Variants in VAMP4 observed in about 807,000 individuals in gnomAD.
The protein encoded by VAMP4 is vesicle-associated membrane protein 4.
VAMP4 carries 19 observed loss-of-function variants against 23.5 expected under a neutral mutation model. The observed-to-expected ratio is 0.81, with a 90% confidence interval of 0.56 to 1.19. The LOEUF (loss-of-function observed/expected upper bound fraction) is 1.19. Ranked by LOEUF, VAMP4 falls within the 50% of genes most tolerant of loss-of-function variation. The pLI is 0.00. For missense variants in VAMP4, 145 were observed against 168.6 expected (o/e 0.86, Z 0.78); for synonymous variants, 31 against 51.0 (o/e 0.61, Z 1.67).
intron 2 of VAMP4, among the ~76,000 whole-genome samples, chr1:171,730,459 T>C (rs1201702775): frequency 1.3e-5 from 2 of 152,050 alleles, no homozygotes; most frequent in East Asian, 1.9e-4. Context: ...TTAAAAAGAA[T>C]CTAAAACTTT....
chr1:171,721,430 A>G (rs1179128223), intron 3 of VAMP4, among the ~76,000 whole-genome samples: 7 of 152,196 alleles, frequency 4.6e-5, no homozygotes, highest in African/African-American at 1.4e-4. Context: ...AAACACTACT[A>G]AAACTAAGTG....
intron 2 of VAMP4, 125 bp downstream of exon 2, chr1:171,738,224 G>A (rs1248904663): frequency 1.1e-5 from 11 of 985,948 alleles, no homozygotes; most frequent in African/African-American, 3.3e-5. Flanking sequence ...CTGCTTCAGC[G>A]TCCCAAGTGC....
chr1:171,705,762 A>G (rs1654628101), intron 7 of VAMP4, among the ~76,000 whole-genome samples: 1 of 152,074 alleles, frequency 6.6e-6, no homozygotes, highest in South Asian at 2.1e-4. Context: ...GCGTCATAAA[A>G]CCTCTCTGTA....
chr1:171,724,068 C>T (rs1655283578), intron 3 of VAMP4, among the ~76,000 whole-genome samples: 1 of 151,984 alleles, frequency 6.6e-6, no homozygotes. Context: ...GACTTGGAAC[C>T]AACCCAAATG....
chr1:171,734,141 G>A (rs1299032814), intron 2 of VAMP4, among the ~76,000 whole-genome samples: 9 of 151,740 alleles, frequency 5.9e-5, no homozygotes, highest in African/African-American at 1.7e-4. Flanking sequence ...GGTGGTGTAC[G>A]CCTGTAATCC....
intron 3 of VAMP4, among the ~76,000 whole-genome samples, chr1:171,726,155 G>A (rs942043722): frequency 2.6e-5 from 4 of 152,004 alleles, no homozygotes; most frequent in South Asian, 4.1e-4. Flanking sequence ...GGGTTCAAGC[G>A]ATTCTCCTGC....
intron 2 of VAMP4, among the ~76,000 whole-genome samples, chr1:171,729,597 C>T (rs1379049621): frequency 6.6e-6 from 1 of 152,166 alleles, no homozygotes; most frequent in Non-Finnish European, 1.5e-5. Context: ...CAAACTGTAC[C>T]ACTTGCTATA....
chr1:171,721,345 C>T (rs1655188250), intron 3 of VAMP4, among the ~76,000 whole-genome samples: 2 of 151,854 alleles, frequency 1.3e-5, no homozygotes, highest in Non-Finnish European at 2.9e-5. Context: ...CAAACATAGA[C>T]GAGGAGGAAA....
Position 171,704,385 on chromosome 1 carries a change from G to T in VAMP4, c.*121C>A. The T allele has an allele frequency of 1.5e-6, 1 of 645,278 alleles. No individual in the cohort carries two copies. Among genetic ancestry groups the T allele is most frequent in the Non-Finnish European group, 2.3e-6 (1 of 426,978 alleles). The allele number at this position is 645,278 out of a possible 1,614,324, so 40.0% of individuals were successfully genotyped here. A position where few individuals can be genotyped will look rare whatever the true frequency, so the allele number is the denominator to read the frequency against. ...AACGTTCCAATTTGAAGTGATACTT[G>T]CCTCTTAGTTTCTTGAAAAAGAAGT... is the stretch of plus-strand genomic sequence containing the variant. On this transcript the variant is annotated 3_prime_UTR_variant, in exon 8 of 8. Transcript: ENST00000236192.
At chr1:171,706,583 G>T (rs1158495252) in intron 6 of VAMP4, among the ~76,000 whole-genome samples, 165 bp from the exon 7 acceptor site, 1 of 152,076 alleles carries the variant, frequency 6.6e-6, no homozygotes, top group Non-Finnish European at 1.5e-5. Context: ...CTTATTACAT[G>T]AGGCTATTCA....
chr1:171,729,669 G>C (rs1655496361), intron 2 of VAMP4, among the ~76,000 whole-genome samples: 1 of 152,086 alleles, frequency 6.6e-6, no homozygotes. Flanking sequence ...TTTTTTGTTT[G>C]TTTGGTTTGA....
rs894848669 is a variant in VAMP4, at chr1:171,704,542, A to G, written c.398-8T>C. On this transcript the variant is annotated splice_region_variant and splice_polypyrimidine_tract_variant and intron_variant, in intron 7 of 7. Transcript: ENST00000236192. ...ATTTCATGACTATAAGAACTGTAAG[A>G]GAAAACATGAAAAAAGCAATATATC... 5 of 1,576,990 alleles carry G rather than the reference A, an allele frequency of 3.2e-6. No homozygotes were observed.
intron 4 of VAMP4, among the ~76,000 whole-genome samples, chr1:171,714,228 G>C (rs1046551568): frequency 6.6e-6 from 1 of 152,066 alleles, no homozygotes; most frequent in Admixed American, 6.6e-5. Context: ...GAGATAGTTT[G>C]GTTTACAAAG....
chr1:171,718,196 C>T (rs6700606), intron 4 of VAMP4, among the ~76,000 whole-genome samples: 53,220 of 152,014 alleles, frequency 0.35, 9,750 homozygotes, highest in African/African-American at 0.47. Context: ...ATCTCAAAAT[C>T]CATTAGTTAG....
At chr1:171,728,276 A>G (rs1356458258) in intron 3 of VAMP4, among the ~76,000 whole-genome samples, 2 of 152,128 alleles carry the variant, frequency 1.3e-5, no homozygotes, top group East Asian at 3.9e-4. Context: ...TCTTGGCTTC[A>G]TGATCCAAGG....
chr1:171,728,414 C>A, intron 3 of VAMP4, 110 bp downstream of exon 3: 1 of 856,656 alleles, frequency 1.2e-6, no homozygotes, highest in Non-Finnish European at 1.7e-6. Context: ...GCATCTCTCA[C>A]GTATAAGGGA....
chr1:171,735,136 G>A (rs532469180), intron 2 of VAMP4, among the ~76,000 whole-genome samples: 2 of 152,198 alleles, frequency 1.3e-5, no homozygotes, highest in East Asian at 3.9e-4. Context: ...TTTTTAAAAA[G>A]CAATCATATT....
chr1:171,708,482 C>T (rs1003580068), intron 6 of VAMP4, among the ~76,000 whole-genome samples: 5 of 151,346 alleles, frequency 3.3e-5, no homozygotes, highest in African/African-American at 7.3e-5. Context: ...GAAAGTAGGA[C>T]GATTCAATAG....
chr1:171,728,059 C>T (rs1655432845), intron 3 of VAMP4, among the ~76,000 whole-genome samples: 2 of 152,186 alleles, frequency 1.3e-5, no homozygotes, highest in Non-Finnish European at 2.9e-5. Flanking sequence ...TCCACAGTTT[C>T]AGTTACCCAT....
Sources: gnomAD v4.1 joint callset for allele counts (sites outside exome capture counted in the v4.1 genomes callset) on GRCh38, gnomAD v4.1.1 for gene constraint, MANE v1.5 for transcripts, NCBI Gene and HGNC (gene_info 2026-07-23, HGNC 2026-07-21) for gene names.